The following DMD variants were observed in gnomAD, a reference collection of about 807,000 sequenced individuals.
DMD encodes dystrophin.
Under a neutral mutation model 330.1 loss-of-function variants are expected in DMD, and 63 were observed. That is an observed-to-expected ratio of 0.19 (90% CI 0.16 to 0.24). The LOEUF is 0.24. DMD is among the 10% of genes least tolerant of loss of function. DMD has a pLI of 1.00. For missense variants in DMD, 3,344 were observed against 2,684.1 expected, an observed-to-expected ratio of 1.25 and a Z score of -5.43; for synonymous variants, 1,223 against 959.8, an observed-to-expected ratio of 1.27 and a Z score of -5.07.
intron 45 of DMD, among the ~76,000 whole-genome samples, chrX:31,948,817 G>T (rs1224456194): frequency 2.7e-5 from 3 of 111,372 alleles, no homozygotes; most frequent in African/African-American, 9.8e-5. Context: ...TCTTCTATTG[G>T]ATTATCTTGT....
rs138634530 is a variant in DMD at position 32,747,333 on chromosome X, G to C, written c.650-48040C>G. ...TTTGGGACAGCTACTCCAGGGCAAA[G>C]CTACTCAAACTTTAGTTGGAGAACG... On this transcript the variant is annotated intron_variant, in intron 7 of 78. Coordinates refer to ENST00000357033, the MANE Select transcript of DMD (RefSeq NM_004006.3). Among the ~76,000 whole-genome samples, 231 of 112,270 alleles carry C rather than the reference G, an allele frequency of 2.1e-3. 2 individuals are homozygous for C. The highest frequency in any genetic ancestry group is 3.9e-3 in the Non-Finnish European group (208 of 53,303).
chrX:32,478,993 T>C (rs1301543808), intron 21 of DMD, among the ~76,000 whole-genome samples: 3 of 111,490 alleles, frequency 2.7e-5, no homozygotes, highest in African/African-American at 9.8e-5. Context: ...GTAAGTCTCA[T>C]TTTTCTGACC....
chrX:32,087,547 G>A (rs113090883), intron 44 of DMD, among the ~76,000 whole-genome samples: 11 of 111,512 alleles, frequency 9.9e-5, no homozygotes, highest in Admixed American at 5.7e-4. Flanking sequence ...CTGATACATC[G>A]TGTTGTGCGT....
At chrX:33,196,301 C>T (rs5972772) in intron 1 of DMD, among the ~76,000 whole-genome samples, 17,084 of 110,477 alleles carry the variant, frequency 0.15, 1,254 homozygotes, top group South Asian at 0.28. Flanking sequence ...TGGTGGGGAA[C>T]AGCAGATCAG....
intron 44 of DMD, among the ~76,000 whole-genome samples, chrX:32,186,625 G>C (rs1217317530): frequency 9.0e-6 from 1 of 111,361 alleles, no homozygotes; most frequent in African/African-American, 3.3e-5. Flanking sequence ...CAGCATGGTG[G>C]ATGATACATA....
intron 50 of DMD, among the ~76,000 whole-genome samples, chrX:31,794,519 A>C (rs1488683338): frequency 8.9e-6 from 1 of 111,972 alleles, no homozygotes; most frequent in African/African-American, 3.2e-5. Context: ...TAGCTATTTC[A>C]TATTTTAGAT....
intron 2 of DMD, among the ~76,000 whole-genome samples, chrX:32,859,515 TAA>T (rs1384656782): frequency 3.6e-4 from 36 of 99,564 alleles, no homozygotes; most frequent in African/African-American, 1.2e-3. Flanking sequence ...ACACACAAGT[TAA>T]AGTCTTTTCG....
At chrX:32,154,103 T>C (rs951666026) in intron 44 of DMD, among the ~76,000 whole-genome samples, 1 of 111,752 alleles carries the variant, frequency 8.9e-6, no homozygotes, top group Non-Finnish European at 1.9e-5. Context: ...CAGCAAAAAA[T>C]AACAACATTC....
chrX:33,032,151 AAC>A (rs2094126915), intron 1 of DMD, among the ~76,000 whole-genome samples: 1 of 111,824 alleles, frequency 8.9e-6, no homozygotes, highest in Non-Finnish European at 1.9e-5. Flanking sequence ...TGACCAGTGG[AAC>A]ACAGTCAGAT....
chrX:33,273,377 T>G (rs1461311032), intron 1 of DMD, among the ~76,000 whole-genome samples: 2 of 112,568 alleles, frequency 1.8e-5, no homozygotes, highest in Non-Finnish European at 3.8e-5. Context: ...GCACCCATCT[T>G]AATGAGAGGA....
At chrX:31,454,201 C>T (rs912151829) in intron 59 of DMD, among the ~76,000 whole-genome samples, 4 of 111,163 alleles carry the variant, frequency 3.6e-5, no homozygotes, top group African/African-American at 1.3e-4. Context: ...TGCAATGGTG[C>T]GATCTGGGCT....
intron 44 of DMD, among the ~76,000 whole-genome samples, chrX:32,128,138 A>T (rs1424493204): frequency 3.6e-5 from 4 of 112,386 alleles, no homozygotes; most frequent in Non-Finnish European, 7.5e-5. Context: ...TTTCACTGTA[A>T]AACAAGTAAA....
At chrX:31,588,479 C>T (rs1263392745) in intron 55 of DMD, among the ~76,000 whole-genome samples, 5 of 111,500 alleles carry the variant, frequency 4.5e-5, no homozygotes, top group African/African-American at 6.5e-5. Context: ...ATTATTTGAA[C>T]TATCCAGTCC....
intron 43 of DMD, among the ~76,000 whole-genome samples, chrX:32,224,842 A>ACT (rs1490758241): frequency 2.7e-5 from 3 of 111,255 alleles, no homozygotes; most frequent in East Asian, 5.7e-4. Flanking sequence ...GAGCTTAGGA[A>ACT]CTCATTCTCA....
chrX:32,684,850 G>A (rs190533822), intron 9 of DMD, among the ~76,000 whole-genome samples: 48 of 110,656 alleles, frequency 4.3e-4, no homozygotes, highest in African/African-American at 1.6e-3. Flanking sequence ...ATATATGAGG[G>A]CTATCAATCC....
At chrX:31,756,287 T>C (rs914724519) in intron 51 of DMD, among the ~76,000 whole-genome samples, 1 of 109,752 alleles carries the variant, frequency 9.1e-6, no homozygotes, top group Non-Finnish European at 1.9e-5. Flanking sequence ...TTTCACAGAA[T>C]AGTTGAAGAC....
intron 4 of DMD, among the ~76,000 whole-genome samples, chrX:32,837,599 G>C (rs1222451841): frequency 9.0e-6 from 1 of 111,332 alleles, no homozygotes; most frequent in Admixed American, 9.6e-5. Flanking sequence ...TCCTCCCCAC[G>C]TTTCTATAAA....
At chrX:32,710,732 T>A (rs752531505) in intron 7 of DMD, among the ~76,000 whole-genome samples, 1 of 111,099 alleles carries the variant, frequency 9.0e-6, no homozygotes, top group Non-Finnish European at 1.9e-5. Context: ...GCAGACTCCT[T>A]AGAACTTTGG....
chrX:32,158,752 T>C (rs890118580), intron 44 of DMD, among the ~76,000 whole-genome samples: 1 of 111,857 alleles, frequency 8.9e-6, no homozygotes, highest in Non-Finnish European at 1.9e-5. Flanking sequence ...TCAATCTATG[T>C]GAGAATGAAG....
Sources: gnomAD v4.1 joint callset for allele counts (sites outside exome capture counted in the v4.1 genomes callset) on GRCh38, gnomAD v4.1.1 for gene constraint, MANE v1.5 for transcripts, NCBI Gene and HGNC (gene_info 2026-07-23, HGNC 2026-07-21) for gene names.